The following PALM2AKAP2 variants were observed in gnomAD, a reference collection of about 807,000 sequenced individuals.
The protein encoded by PALM2AKAP2 is PALM2-AKAP2 fusion protein.
A neutral mutation model predicts 71.5 loss-of-function variants in PALM2AKAP2; 37 were observed. The ratio of observed to expected loss-of-function variants is 0.52; its 90% CI spans 0.40 to 0.68. PALM2AKAP2 has a LOEUF of 0.68. Ranked by LOEUF, PALM2AKAP2 falls within the 30% of genes least tolerant of loss-of-function variation. The pLI is 0.00. For synonymous variants in PALM2AKAP2, 468 were observed against 478.8 expected, an observed-to-expected ratio of 0.98 and a Z score of 0.29; for missense variants, 1,224 against 1,191.8, an observed-to-expected ratio of 1.03 and a Z score of -0.40.
At chr9:109,770,928 T>C (rs12348362) in intron 1 of PALM2AKAP2, among the ~76,000 whole-genome samples, 11,819 of 152,302 alleles carry the variant, frequency 0.078, 593 homozygotes, top group Non-Finnish European at 0.11. Context: ...AATACTATTG[T>C]ATTTCCCATT....
chr9:109,749,518 GC>G (rs1828854068), intron 1 of PALM2AKAP2, among the ~76,000 whole-genome samples: 1 of 147,528 alleles, frequency 6.8e-6, no homozygotes, highest in Non-Finnish European at 1.5e-5. Context: ...TATGTGAATT[GC>G]CCTAGTAAGT....
intron 1 of PALM2AKAP2, among the ~76,000 whole-genome samples, chr9:109,863,681 A>G (rs1272164232): frequency 6.6e-6 from 1 of 152,224 alleles, no homozygotes; most frequent in African/African-American, 2.4e-5. Flanking sequence ...AGAAACTGCA[A>G]GTGAGTTCCT....
At chr9:110,166,850 C>T (rs4978413) in intron 3 of PALM2AKAP2, among the ~76,000 whole-genome samples, 79,233 of 152,032 alleles carry the variant, frequency 0.52, 21,064 homozygotes, top group East Asian at 0.86. Context: ...CCTGTAACTG[C>T]ATCTCCTTGC....
At chr9:109,743,375 C>A (rs192080876) in intron 1 of PALM2AKAP2, among the ~76,000 whole-genome samples, 94 of 152,148 alleles carry the variant, frequency 6.2e-4, no homozygotes, top group African/African-American at 2.2e-3. Context: ...GGAGCAATAC[C>A]CCACCCGTGC....
rs1833197096 is a variant in PALM2AKAP2, at chr9:110,027,201, T to C, written c.582+11162T>C. Among the ~76,000 whole-genome samples the C allele has an allele frequency of 2.6e-5, 4 of 152,226 alleles. No homozygotes were observed. The South Asian group carries it at 8.3e-4, about 32-fold the overall frequency. On this transcript the variant is annotated intron_variant, in intron 7 of 9. Transcript: ENST00000302798. Reference sequence around the variant, plus strand: ...CAGGACCCTCATACTGGAAATGTCTTGGCCTTATCCAGCTGGTGCCTTGCT... The same window carrying C: ...CAGGACCCTCATACTGGAAATGTCTCGGCCTTATCCAGCTGGTGCCTTGCT...
chr9:110,116,257 A>G (rs1323626847), intron 1 of PALM2AKAP2, among the ~76,000 whole-genome samples: 4 of 152,238 alleles, frequency 2.6e-5, no homozygotes, highest in African/African-American at 4.8e-5. Context: ...CTTTTTGCCT[A>G]TGGAAGACTA....
intron 1 of PALM2AKAP2, among the ~76,000 whole-genome samples, chr9:109,654,750 GGTGTGTGTGT>G (rs374397482): frequency 6.8e-6 from 1 of 147,194 alleles, no homozygotes; most frequent in Non-Finnish European, 1.5e-5. Flanking sequence ...GTATGTGTAT[GGTGTGTGTGT>G]GTGTGTGTGT....
chr9:109,797,019 A>G (rs1417640712), intron 1 of PALM2AKAP2, among the ~76,000 whole-genome samples: 1 of 152,202 alleles, frequency 6.6e-6, no homozygotes, highest in Non-Finnish European at 1.5e-5. Flanking sequence ...ATTCTGTCTT[A>G]TCCCCAAACG....
At chr9:110,004,144 A>G (rs575124803) in intron 6 of PALM2AKAP2, among the ~76,000 whole-genome samples, 3 of 152,130 alleles carry the variant, frequency 2.0e-5, no homozygotes, top group Admixed American at 1.3e-4. Flanking sequence ...TTACAATTTG[A>G]CATGTTTTCG....
In PALM2AKAP2 at chr9:110,094,344, G is replaced by A. The variant is rs536144294; in HGVS notation, c.157-41783G>A. 7.2e-5 allele frequency among the ~76,000 whole-genome samples: 11 copies of A among 152,298 alleles called. No homozygotes were observed. The South Asian group carries it at 1.9e-3, about 26-fold the overall frequency. On this transcript the variant is annotated intron_variant, in intron 1 of 3. Coordinates refer to ENST00000374525, the Ensembl canonical transcript of PALM2AKAP2. ...AACAAGGCAACTGGAGGCCGTACTC[G>A]TCTTTGCGCTAGGTAGCCTTAAACT...
intron 1 of PALM2AKAP2, among the ~76,000 whole-genome samples, chr9:109,720,739 T>G (rs1292651771): frequency 6.6e-6 from 1 of 152,246 alleles, no homozygotes; most frequent in East Asian, 1.9e-4. Flanking sequence ...ATTTGTGTTG[T>G]GTAAGGATAT....
chr9:109,952,673 T>C (rs1831666466), intron 6 of PALM2AKAP2, among the ~76,000 whole-genome samples: 2 of 152,256 alleles, frequency 1.3e-5, no homozygotes, highest in African/African-American at 4.8e-5. Flanking sequence ...TGTGGAGCTA[T>C]GTTTTGTCAG....
chr9:109,679,084 T>C (rs552029673), intron 1 of PALM2AKAP2, among the ~76,000 whole-genome samples: 1 of 152,334 alleles, frequency 6.6e-6, no homozygotes, highest in African/African-American at 2.4e-5. Context: ...AAGGTCTTTA[T>C]GTGTCTGAAA....
chr9:109,693,055 G>A (rs1827921277), intron 1 of PALM2AKAP2, among the ~76,000 whole-genome samples: 1 of 151,850 alleles, frequency 6.6e-6, no homozygotes, highest in South Asian at 2.1e-4. Flanking sequence ...AATTGGCATT[G>A]CACTCCTGTA....
chr9:109,775,617 A>G (rs1829338776), upstream of PALM2AKAP2, among the ~76,000 whole-genome samples: 3 of 152,248 alleles, frequency 2.0e-5, no homozygotes, highest in African/African-American at 7.2e-5. Context: ...GAACTAACAC[A>G]AATATAAACA....
At chr9:109,673,927 T>G (rs1827612474) in intron 1 of PALM2AKAP2, among the ~76,000 whole-genome samples, 1 of 152,130 alleles carries the variant, frequency 6.6e-6, no homozygotes, top group Admixed American at 6.6e-5. Context: ...AACCCCTGCT[T>G]TTTTCTGTTT....
chr9:109,740,887 C>T (rs949508434), intron 1 of PALM2AKAP2, among the ~76,000 whole-genome samples: 2 of 152,090 alleles, frequency 1.3e-5, no homozygotes, highest in East Asian at 1.9e-4. Context: ...CTCTTGACCT[C>T]GTGATCTGCC....
intron 1 of PALM2AKAP2, among the ~76,000 whole-genome samples, chr9:109,789,895 A>T (rs1019667913): frequency 3.9e-5 from 6 of 152,242 alleles, no homozygotes; most frequent in African/African-American, 1.4e-4. Context: ...TATTAAATAC[A>T]CACAGAAAGG....
At chr9:109,883,595 A>G (rs1379902678) in intron 3 of PALM2AKAP2, among the ~76,000 whole-genome samples, 1 of 152,206 alleles carries the variant, frequency 6.6e-6, no homozygotes, top group Non-Finnish European at 1.5e-5. Flanking sequence ...AGTGTCTTTA[A>G]TCTTCAATCC....
Sources: gnomAD v4.1 joint callset for allele counts (sites outside exome capture counted in the v4.1 genomes callset) on GRCh38, gnomAD v4.1.1 for gene constraint, MANE v1.5 for transcripts, NCBI Gene and HGNC (gene_info 2026-07-23, HGNC 2026-07-21) for gene names.